The following P2RX6 variants were observed in gnomAD, a reference collection of about 807,000 sequenced individuals.
P2RX6 encodes purinergic receptor P2X 6.
A neutral mutation model predicts 54.2 loss-of-function variants in P2RX6; 62 were observed. The ratio of observed to expected loss-of-function variants is 1.14; its 90% CI spans 0.93 to 1.41. P2RX6 has a LOEUF of 1.41. Ranked by LOEUF, P2RX6 falls within the 40% of genes most tolerant of loss-of-function variation. The probability of loss-of-function intolerance (pLI) is 0.00; values close to 1 mark genes in which losing one functional copy is unlikely to be tolerated. For missense variants in P2RX6, 541 were observed against 566.3 expected (o/e 0.96, Z 0.45); for synonymous variants, 211 against 231.9 (o/e 0.91, Z 0.82).
rs1369099068 is a variant in P2RX6, at chr22:21,015,324, G to C, written c.150G>C (p.Val50=). Residue 50 remains valine, a synonymous_variant, in exon 1 of 12, where the codon GTG becomes GTC. Transcript: ENST00000413302. ...ALQRLLQFGI[V]VYVVGWALLA... ...AGAGGCTGCTGCAGTTTGGGATCGT[G>C]GTCTATGTGGTAGGGTAAGAGAGAA... 1.2e-5 allele frequency: 18 copies of C among 1,563,000 alleles called. No homozygotes were observed. Among genetic ancestry groups the C allele is most frequent in the Admixed American group, 4.1e-5 (2 of 49,178 alleles).
intron 3 of P2RX6, among the ~76,000 whole-genome samples, chr22:21,022,113 A>G (rs2148053677): frequency 6.6e-6 from 1 of 152,272 alleles, no homozygotes; most frequent in East Asian, 1.9e-4. Flanking sequence ...CACGCCTGTA[A>G]TCCCAGCACT....
At chr22:21,021,818 G>A (rs886590095) in intron 3 of P2RX6, among the ~76,000 whole-genome samples, 2 of 152,100 alleles carry the variant, frequency 1.3e-5, no homozygotes, top group African/African-American at 4.8e-5. Flanking sequence ...CTCTGTGCAG[G>A]CATTAATGTC....
upstream of P2RX6, chr22:21,012,623 G>C (rs1187938064): frequency 1.7e-6 from 1 of 588,300 alleles, no homozygotes; most frequent in East Asian, 3.8e-5. Context: ...TTGACATATG[G>C]ATTGGAGCTC....
chr22:21,015,554 A>G (rs1926194263), intron 1 of P2RX6, among the ~76,000 whole-genome samples: 1 of 152,068 alleles, frequency 6.6e-6, no homozygotes, highest in Admixed American at 6.5e-5. Context: ...CCTCCTTCCC[A>G]GGCCCCCACC....
intron 8 of P2RX6, among the ~76,000 whole-genome samples, chr22:21,024,437 C>G (rs1928037380): frequency 6.6e-6 from 1 of 152,052 alleles, no homozygotes; most frequent in Admixed American, 6.6e-5. Context: ...GCCTCCACGC[C>G]CGGCTAATTT....
rs763297526 is a variant in P2RX6 at position 21,023,588 on chromosome 22, TC to T, written c.862del (p.Gln288SerfsTer191). The T allele has an allele frequency of 6.2e-7, 1 of 1,612,282 alleles. No individual in the cohort carries two copies. The highest frequency in any genetic ancestry group is 8.5e-7 in the Non-Finnish European group (1 of 1,179,142). ...GDSGCWPHYS[F>X]QLQEKSYNFR... is the part of the protein sequence containing the mutation. ...TCTGGCTGCTGGCCTCACTACTCCTTCCAGCTGCAGGAGAAGAGCTACAACT... is the reference window on the plus strand; with the variant it reads ...TCTGGCTGCTGGCCTCACTACTCCTTCAGCTGCAGGAGAAGAGCTACAACT... On this transcript the variant is annotated frameshift_variant, in exon 8 of 12. Transcript: ENST00000413302. LOFTEE classifies it high-confidence loss of function.
Position 21,022,767 on chromosome 22 carries a change from G to C in P2RX6, c.463+16G>C, listed in dbSNP as rs1027734816. 3.2e-6 allele frequency: 5 copies of C among 1,551,942 alleles called. No individual in the cohort carries two copies. Among genetic ancestry groups the C allele is most frequent in the Non-Finnish European group, 4.3e-6 (5 of 1,150,642 alleles). On this transcript the variant is annotated intron_variant, in intron 4 of 11. Transcript: ENST00000413302. ...CACAGCCACGGTAACTGTGGGCTCT[G>C]TCTTCCAGTGCCCCCAGCAGGGTGG... is the stretch of plus-strand genomic sequence containing the variant.
In P2RX6 at chr22:21,026,389, T is replaced by C; in HGVS notation, c.1129-31T>C. On this transcript the variant is annotated intron_variant, in intron 11 of 11. Transcript: ENST00000413302. This position sits in a 1 kb window ranked among gnomAD's most constrained non-coding sequence, Gnocchi z 4.0. ...CTGCCACACTTAGGAAGATGTTGGC[T>C]GGATCCCTGACCTGCTGTCCTCATC... 2 of 1,588,588 alleles carry C rather than the reference T, an allele frequency of 1.3e-6. No individual in the cohort carries two copies. The highest frequency in any genetic ancestry group is 1.7e-6 in the Non-Finnish European group (2 of 1,167,542).
In P2RX6 at chr22:21,026,874, C is replaced by T. The variant is rs932355384; in HGVS notation, c.*257C>T. The T allele has an allele frequency of 2.7e-5, 17 of 636,348 alleles. No individual in the cohort carries two copies. Among genetic ancestry groups the T allele is most frequent in the Admixed American group, 1.6e-4 (5 of 31,578 alleles). The allele number at this position is 636,348 out of a possible 1,614,324, so 39.4% of individuals were successfully genotyped here. A position where few individuals can be genotyped will look rare whatever the true frequency, so the allele number is the denominator to read the frequency against. On this transcript the variant is annotated 3_prime_UTR_variant, in exon 12 of 12. Coordinates refer to ENST00000413302, the MANE Select transcript of P2RX6 (RefSeq NM_005446.5). The surrounding 1 kb of genome is among the most constrained non-coding windows in gnomAD (Gnocchi z 4.0). ...AGCAGGCACCTGTATTGCAGGGCTC[C>T]GACTGCATGTGGCAGGGGCTCCTGC...
At chr22:21,023,659 T>G in intron 8 of P2RX6, 41 bp downstream of exon 8, 1 of 1,434,454 alleles carries the variant, frequency 7.0e-7, no homozygotes, top group South Asian at 1.2e-5. Flanking sequence ...GCTGGGCCCA[T>G]CGCCCTCTCA....
intron 8 of P2RX6, 26 bp downstream of exon 8, chr22:21,023,644 C>A: frequency 6.6e-7 from 1 of 1,517,900 alleles, no homozygotes; most frequent in East Asian, 2.4e-5. Context: ...TCCCAGTGCC[C>A]AGCTGCTGGG....
intron 2 of P2RX6, among the ~76,000 whole-genome samples, chr22:21,017,289 T>C (rs1307896668): frequency 6.6e-6 from 1 of 152,174 alleles, no homozygotes; most frequent in Non-Finnish European, 1.5e-5. Flanking sequence ...CCCAGCACCA[T>C]CTGGCCAGCC....
At chr22:21,010,894 G>A (rs562238645), upstream of P2RX6, among the ~76,000 whole-genome samples, 3 of 151,876 alleles carry the variant, frequency 2.0e-5, no homozygotes, top group East Asian at 2.0e-4. Context: ...AAACAGGCCC[G>A]CATGCTCACT....
intron 3 of P2RX6, among the ~76,000 whole-genome samples, chr22:21,022,381 A>G (rs1927558260): frequency 1.3e-5 from 2 of 152,176 alleles, no homozygotes; most frequent in African/African-American, 2.4e-5. Flanking sequence ...CACTAAAAAT[A>G]AATTTTTTGA....
In P2RX6 at chr22:21,015,965, G is replaced by A; in HGVS notation, c.188G>A (p.Gly63Asp). 6.5e-7 allele frequency: 1 copy of A among 1,549,806 alleles called. No homozygotes were observed. Among genetic ancestry groups the A allele is most frequent in the Non-Finnish European group, 8.7e-7 (1 of 1,146,984 alleles). ...AGGTGGGCTCTCCTCGCCAAAAAAGGCTACCAGGAGCGGGACCTGGAACCC... is the reference window on the plus strand; with the variant it reads ...AGGTGGGCTCTCCTCGCCAAAAAAGACTACCAGGAGCGGGACCTGGAACCC... The part of the protein sequence containing the change: ...VVGWALLAKK[G>D]YQERDLEPQF... Residue 63 changes from glycine (G) to aspartate (D), a missense_variant, in exon 2 of 12, where the codon GGC (glycine) becomes GAC (aspartate). Physicochemically the swap from Gly to Asp is moderately conservative, Grantham distance 94 (BLOSUM62 -1). Coordinates refer to ENST00000413302, the MANE Select transcript of P2RX6 (RefSeq NM_005446.5).
At chr22:21,022,908 T>G in intron 4 of P2RX6, 34 bp from the exon 5 acceptor site, 1 of 1,580,668 alleles carries the variant, frequency 6.3e-7, no homozygotes, top group Non-Finnish European at 8.7e-7. Context: ...CCTGCAGAGA[T>G]TTGAAGGTCT....
At chr22:21,012,597 C>T (rs968255212), upstream of P2RX6, 53 of 608,664 alleles carry the variant, frequency 8.7e-5, no homozygotes, top group Admixed American at 1.2e-3. Context: ...GCCCACTGTC[C>T]CAAAAGTTCA....
upstream of P2RX6, among the ~76,000 whole-genome samples, chr22:21,010,996 G>T (rs1382710456): frequency 1.3e-5 from 2 of 151,960 alleles, no homozygotes; most frequent in East Asian, 3.9e-4. Context: ...CCTCACAGAG[G>T]CCTCCCCAGC....
intron 8 of P2RX6, among the ~76,000 whole-genome samples, chr22:21,024,998 A>G (rs1928174187): frequency 1.4e-5 from 2 of 140,890 alleles, no homozygotes; most frequent in South Asian, 4.5e-4. Context: ...CTCCTGCCTC[A>G]GCCTCCTGAG....
Sources: gnomAD v4.1 joint callset for allele counts (sites outside exome capture counted in the v4.1 genomes callset) on GRCh38, gnomAD v4.1.1 for gene constraint, Gnocchi (gnomAD v3.1) non-coding constraint, MANE v1.5 for transcripts, NCBI Gene and HGNC (gene_info 2026-07-23, HGNC 2026-07-21) for gene names.